RGS13: variants seen among roughly 807,000 people sequenced by gnomAD.
RGS13 encodes the protein regulator of G-protein signalling 13.
Under a neutral mutation model 19.9 loss-of-function variants are expected in RGS13, and 14 were observed. The observed-to-expected ratio is 0.70, with a 90% CI of 0.46 to 1.10. The LOEUF is 1.10. RGS13 is among the 50% of genes least tolerant of loss of function. RGS13 has a pLI of 0.00. For missense variants in RGS13, 205 were observed against 187.1 expected (o/e 1.10, Z -0.56); for synonymous variants, 60 against 56.8 (o/e 1.06, Z -0.25).
chr1:192,641,267 AAAG>A (rs1663112305), intron 3 of RGS13, among the ~76,000 whole-genome samples: 3 of 108,846 alleles, frequency 2.8e-5, no homozygotes, highest in South Asian at 6.6e-4. Context: ...AGAAAGAAAG[AAAG>A]AAAGAAAGAA....
At position 192,658,282 on chromosome 1, in the gene RGS13, A is replaced by G. The variant is rs1663482283; in HGVS notation, c.209A>G (p.Tyr70Cys). The G allele has an allele frequency of 2.5e-6, 4 of 1,613,646 alleles. No homozygotes were observed. The highest frequency in any genetic ancestry group is 2.2e-5 in the East Asian group (1 of 44,808). Residue 70 changes from tyrosine (Y) to cysteine (C), a missense_variant, in exon 6 of 7, where the codon TAT (tyrosine) becomes TGT (cysteine). Tyr to Cys is a radical substitution (Grantham distance 194). Transcript: ENST00000391995. ...CAATTCTGGATGGCATGTGAAACCT[A>G]TAAGAAAATTGCCTCACGGTGGAGC... ...NIQFWMACET[Y>C]KKIASRWSRI...
intron 6 of RGS13, 21 bp from the exon 7 acceptor site, chr1:192,659,317 A>G: frequency 6.3e-7 from 1 of 1,590,874 alleles, no homozygotes; most frequent in Non-Finnish European, 8.6e-7. Flanking sequence ...TTAATGCTGT[A>G]CATGTAATTT....
chr1:192,658,406 T>TC (rs1305138786), intron 6 of RGS13, 39 bp downstream of exon 6: 4 of 1,581,610 alleles, frequency 2.5e-6, no homozygotes, highest in Non-Finnish European at 1.7e-6. Context: ...AATCAGTTCA[T>TC]CCCTGCAAGG....
At chr1:192,648,764 G>A (rs1027436105) in intron 5 of RGS13, among the ~76,000 whole-genome samples, 3 of 152,020 alleles carry the variant, frequency 2.0e-5, no homozygotes, top group Non-Finnish European at 2.9e-5. Flanking sequence ...TAGCCTCTCT[G>A]TGAATGTTTT....
intron 4 of RGS13, chr1:192,646,703 C>T (rs1283257191): frequency 6.6e-6 from 1 of 152,074 alleles, no homozygotes; most frequent in Admixed American, 6.6e-5. Context: ...CCAATGTGTC[C>T]ATATGTTCTC....
At chr1:192,644,903 T>C (rs1014548141) in intron 4 of RGS13, 1 of 152,774 alleles carries the variant, frequency 6.5e-6, no homozygotes, top group South Asian at 2.1e-4. Context: ...GACCATTGCA[T>C]TGGATTTCCT....
intron 4 of RGS13, chr1:192,647,058 C>T (rs142880811): frequency 5.4e-4 from 82 of 152,232 alleles, no homozygotes; most frequent in African/African-American, 2.0e-3. Context: ...CAAAAAAATT[C>T]TAGCAAGTAG....
At chr1:192,652,535 C>G (rs1021136719) in intron 5 of RGS13, among the ~76,000 whole-genome samples, 1 of 151,966 alleles carries the variant, frequency 6.6e-6, no homozygotes, top group African/African-American at 2.4e-5. Flanking sequence ...ACTTCTCATG[C>G]ACTTCTTCAC....
chr1:192,658,349 G>C lies in RGS13; in HGVS notation c.276G>C (p.Gln92His). Residue 92 changes from glutamine (Q) to histidine (H), a missense_variant, in exon 6 of 7, where the codon CAG becomes CAC. Coordinates refer to ENST00000391995, the MANE Select transcript of RGS13 (RefSeq NM_002927.5). ...RAKKLYKIYIQPQSPREINID... is the reference protein window; with the variant it reads ...RAKKLYKIYIHPQSPREINID... ...AGAAGCTTTATAAGATTTACATCCA[G>C]CCACAGTCCCCTAGAGAGGTAACTA... 6.2e-7 allele frequency: 1 copy of C among 1,612,870 alleles called. No individual in the cohort carries two copies. Among genetic ancestry groups the C allele is most frequent in the Non-Finnish European group, 8.5e-7 (1 of 1,179,448 alleles).
intron 5 of RGS13, among the ~76,000 whole-genome samples, chr1:192,657,425 T>C (rs965792490): frequency 3.3e-5 from 5 of 152,112 alleles, no homozygotes; most frequent in Non-Finnish European, 7.4e-5. Flanking sequence ...TACAAAGTAA[T>C]GTCTCAATTG....
At chr1:192,658,543 C>T (rs1046775933) in intron 6 of RGS13, 176 bp downstream of exon 6, 3 of 540,782 alleles carry the variant, frequency 5.5e-6, no homozygotes, top group African/African-American at 3.8e-5. Context: ...GAGAACTTGT[C>T]CAGTGTCACA....
At chr1:192,637,420 A>G (rs1356406774) in intron 1 of RGS13, among the ~76,000 whole-genome samples, 170 bp from the exon 2 acceptor site, 2 of 152,114 alleles carry the variant, frequency 1.3e-5, no homozygotes, top group East Asian at 3.9e-4. Context: ...TTAGATAAAG[A>G]GTTAATAAAT....
chr1:192,645,112 A>G lies in RGS13; in HGVS notation c.65+713A>G, dbSNP rs1192070113. The G allele has an allele frequency of 3.9e-5, 6 of 152,426 alleles. No individual in the cohort carries two copies. In the South Asian group the frequency reaches 6.2e-4, roughly 16 times the overall value. 9.4% of individuals were successfully genotyped at this position (152,426 alleles called of 1,614,324 possible). A position where few individuals can be genotyped will look rare whatever the true frequency, so the allele number is the denominator to read the frequency against. On this transcript the variant is annotated intron_variant, in intron 4 of 6. Coordinates refer to ENST00000391995, the MANE Select transcript of RGS13 (RefSeq NM_002927.5). ...GTGTGGCAAGGAGAAGGATGCTGCA[A>G]TGGTGGTCAGAGGAGATAGTAAGAC...
At chr1:192,647,854 A>G in intron 4 of RGS13, 72 bp from the exon 5 acceptor site, 1 of 906,532 alleles carries the variant, frequency 1.1e-6, no homozygotes, top group Non-Finnish European at 1.7e-6. Flanking sequence ...TCAAGATAAT[A>G]TAATTTTACT....
chr1:192,638,232 G>GC (rs1663047383), intron 3 of RGS13, 29 bp downstream of exon 3: 1 of 151,906 alleles, frequency 6.6e-6, no homozygotes, highest in Non-Finnish European at 1.5e-5. Context: ...CTACTTCTGA[G>GC]CATCTGCCTT....
chr1:192,645,254 T>C (rs1229790164), intron 4 of RGS13: 1 of 152,178 alleles, frequency 6.6e-6, no homozygotes, highest in African/African-American at 2.4e-5. Context: ...ATGATTCCCA[T>C]AGAGGATCAC....
At chr1:192,647,135 G>A (rs1472197928) in intron 4 of RGS13, 1 of 152,166 alleles carries the variant, frequency 6.6e-6, no homozygotes, top group Non-Finnish European at 1.5e-5. Flanking sequence ...AATAGGTTTT[G>A]TGGATTAACT....
At chr1:192,655,363 T>C (rs970426995) in intron 5 of RGS13, among the ~76,000 whole-genome samples, 1 of 152,132 alleles carries the variant, frequency 6.6e-6, no homozygotes, top group Non-Finnish European at 1.5e-5. Flanking sequence ...CCTAGTGATT[T>C]ACATTAATAA....
chr1:192,647,537 T>C (rs1451214341), intron 4 of RGS13: 3 of 152,432 alleles, frequency 2.0e-5, no homozygotes, highest in African/African-American at 4.8e-5. Flanking sequence ...TGACATAAAA[T>C]GCATAAAGTA....
Sources: gnomAD v4.1 joint callset for allele counts (sites outside exome capture counted in the v4.1 genomes callset) on GRCh38, gnomAD v4.1.1 for gene constraint, MANE v1.5 for transcripts, NCBI Gene and HGNC (gene_info 2026-07-23, HGNC 2026-07-21) for gene names.